Variants in MICALL1 observed in about 807,000 individuals in gnomAD.
MICALL1 encodes MICAL like 1.
Under a neutral mutation model 83.7 loss-of-function variants are expected in MICALL1, and 61 were observed. That is an observed-to-expected ratio of 0.73 (90% confidence interval 0.59 to 0.90). The LOEUF is 0.90. Ranked by LOEUF, MICALL1 falls within the 40% of genes least tolerant of loss-of-function variation. MICALL1 has a pLI of 0.00. For synonymous variants in MICALL1, 481 were observed against 473.6 expected, an observed-to-expected ratio of 1.02 and a Z score of -0.20; for missense variants, 1,066 against 1,152.0, an observed-to-expected ratio of 0.93 and a Z score of 1.08.
rs1320816485 is a variant in MICALL1, at chr22:37,930,762, C to T, written c.1882-1037C>T. Among the ~76,000 whole-genome samples the T allele has an allele frequency of 6.6e-6, 1 of 152,196 alleles. No homozygotes were observed. The highest frequency in any genetic ancestry group is 1.5e-5 in the Non-Finnish European group (1 of 68,032). ...AGCCTGGGCTCTGGGTGTGTGGGTA[C>T]TGGGCTGTGCAGCAGAGGATGAGAT... is the stretch of plus-strand genomic sequence containing the variant. On this transcript the variant is annotated intron_variant, in intron 9 of 15. Transcript: ENST00000215957. This position sits in a 1 kb window ranked among gnomAD's most constrained non-coding sequence, Gnocchi z 4.8.
chr22:37,918,868 T>A (rs966817486), intron 4 of MICALL1, among the ~76,000 whole-genome samples, 168 bp from the exon 5 acceptor site: 3 of 152,242 alleles, frequency 2.0e-5, no homozygotes, highest in Non-Finnish European at 4.4e-5. Context: ...AGTGGCAGCC[T>A]CCTGCCCTCT....
At position 37,937,730 on chromosome 22, in the gene MICALL1, C is replaced by T. The variant is rs1410726928; in HGVS notation, c.2424-16C>T. The T allele has an allele frequency of 6.2e-7, 1 of 1,612,646 alleles. No individual in the cohort carries two copies. The highest frequency in any genetic ancestry group is 1.1e-5 in the South Asian group (1 of 91,020). On this transcript the variant is annotated splice_polypyrimidine_tract_variant and intron_variant, in intron 14 of 15. Transcript: ENST00000215957. Reference sequence around the variant, plus strand: ...TGAGCCACCACGCCCAGCTTAACTGCTGCTGCTTATTTCAGGGAGGAAGAG... The same window carrying T: ...TGAGCCACCACGCCCAGCTTAACTGTTGCTGCTTATTTCAGGGAGGAAGAG...
At chr22:37,911,771 G>A (rs1477659140) in intron 1 of MICALL1, among the ~76,000 whole-genome samples, 181 bp from the exon 2 acceptor site, 3 of 152,070 alleles carry the variant, frequency 2.0e-5, no homozygotes, top group Admixed American at 6.6e-5. Context: ...CTCTAGCAGC[G>A]AATGTTTGCT....
rs113725737 is a variant in MICALL1, at chr22:37,916,659, C to T, written c.338-1048C>T. ...CACGCTCAGTGGGTGCCAGTGACCC[C>T]GGGCACAACAGACAGACCCCCACCC... On this transcript the variant is annotated intron_variant, in intron 3 of 15. Transcript: ENST00000215957. Among the ~76,000 whole-genome samples the T allele has an allele frequency of 5.5e-4, 84 of 152,288 alleles. 1 individual carries two copies. The highest frequency in any genetic ancestry group is 2.0e-3 in the African/African-American group (83 of 41,560).
chr22:37,935,354 G>A (rs1319118220), intron 13 of MICALL1, among the ~76,000 whole-genome samples: 1 of 149,982 alleles, frequency 6.7e-6, no homozygotes, highest in Non-Finnish European at 1.5e-5. Flanking sequence ...TCCGCCTCCT[G>A]GGTTTACGCC....
intron 8 of MICALL1, chr22:37,927,019 C>G (rs1361331549): frequency 1.2e-5 from 3 of 258,728 alleles, no homozygotes; most frequent in Non-Finnish European, 2.2e-5. Context: ...CCGGCAGTGC[C>G]TGTCCCAGAG....
At position 37,938,376 on chromosome 22, in the gene MICALL1, T is replaced by A. The variant is rs1340221345; in HGVS notation, c.2470+584T>A. ...GAGATCACGCCAGTGCACTCCAGCC[T>A]GGGTGACAGAGCGAGACTCAGTCTC... is the stretch of plus-strand genomic sequence containing the variant. On this transcript the variant is annotated intron_variant, in intron 15 of 15. Coordinates refer to ENST00000215957, the MANE Select transcript of MICALL1 (RefSeq NM_033386.4). Among the ~76,000 whole-genome samples the A allele has an allele frequency of 4.6e-5, 6 of 131,268 alleles. No individual in the cohort carries two copies. The East Asian group carries it at 1.4e-3, about 31-fold the overall frequency. 86.1% of individuals were successfully genotyped at this position (131,268 alleles called of 152,430 possible). A position where few individuals can be genotyped will look rare whatever the true frequency, so the allele number is the denominator to read the frequency against.
At chr22:37,914,540 TTA>T (rs537663997) in intron 3 of MICALL1, among the ~76,000 whole-genome samples, 19 of 150,600 alleles carry the variant, frequency 1.3e-4, no homozygotes, top group African/African-American at 4.4e-4. Context: ...TTTTCTTTCA[TTA>T]TATATATATA....
chr22:37,912,051 G>C (rs1426194447), intron 2 of MICALL1, 51 bp downstream of exon 2: 1 of 1,588,536 alleles, frequency 6.3e-7, no homozygotes, highest in African/African-American at 1.3e-5. Context: ...ATGTGTGTGT[G>C]TGTGTGTGTG....
chr22:37,923,105 A>G (rs1037985732), intron 6 of MICALL1, among the ~76,000 whole-genome samples: 6 of 139,730 alleles, frequency 4.3e-5, no homozygotes, highest in African/African-American at 1.6e-4. Flanking sequence ...TAATTTTTGT[A>G]TTTTTAGTAA....
Position 37,917,749 on chromosome 22 carries a change from C to A in MICALL1, c.380C>A (p.Pro127Gln). ...PPRKGLAPCS[P>Q]PSVAPTPVEP... Reference sequence around the variant, plus strand: ...AGAAAGGGCCTTGCACCCTGTTCCCCGCCGTCTGTAGCACCCACTCCAGTG... The same window carrying A: ...AGAAAGGGCCTTGCACCCTGTTCCCAGCCGTCTGTAGCACCCACTCCAGTG... The change falls in exon 4 of 16, where the codon CCG becomes CAG. Residue 127 changes from proline (P) to glutamine (Q), a missense_variant. Physicochemically the swap from Pro to Gln is moderately conservative, Grantham distance 76. Coordinates refer to ENST00000215957, the MANE Select transcript of MICALL1 (RefSeq NM_033386.4). 6.2e-7 allele frequency: 1 copy of A among 1,613,920 alleles called. No homozygotes were observed. Among genetic ancestry groups the A allele is most frequent in the Non-Finnish European group, 8.5e-7 (1 of 1,179,892 alleles).
chr22:37,917,877 T>C (rs1928778050), intron 4 of MICALL1, 82 bp downstream of exon 4: 1 of 1,240,666 alleles, frequency 8.1e-7, no homozygotes, highest in East Asian at 2.4e-5. Context: ...AGTGACTGGG[T>C]CATGTGAGGA....
In MICALL1 at chr22:37,909,985, G is replaced by A. The variant is rs935838562; in HGVS notation, c.147-1967G>A. On this transcript the variant is annotated intron_variant, in intron 1 of 15. Transcript: ENST00000215957. ...GCTCTGCTGGGACGAGGGTTGTGGGGGCTGGGCCATCCCTCCGCACCACCC... is the reference window on the plus strand; with the variant it reads ...GCTCTGCTGGGACGAGGGTTGTGGGAGCTGGGCCATCCCTCCGCACCACCC... Among the ~76,000 whole-genome samples, 37 of 152,324 alleles carry A rather than the reference G, an allele frequency of 2.4e-4. 1 individual carries two copies. The highest frequency in any genetic ancestry group is 8.7e-4 in the African/African-American group (36 of 41,574).
intron 5 of MICALL1, among the ~76,000 whole-genome samples, chr22:37,919,919 G>A (rs1161438056): frequency 6.6e-6 from 1 of 151,632 alleles, no homozygotes; most frequent in Non-Finnish European, 1.5e-5. Flanking sequence ...GCCAGGAGGT[G>A]GAGGTTGCAG....
intron 15 of MICALL1, among the ~76,000 whole-genome samples, chr22:37,938,296 G>A (rs1930245668): frequency 1.3e-5 from 2 of 151,752 alleles, no homozygotes; most frequent in Non-Finnish European, 2.9e-5. Flanking sequence ...CAGCTACTCG[G>A]GAGGCTGGGG....
At chr22:37,934,878 G>A (rs1417189403) in intron 13 of MICALL1, among the ~76,000 whole-genome samples, 1 of 150,558 alleles carries the variant, frequency 6.6e-6, no homozygotes, top group Non-Finnish European at 1.5e-5. Flanking sequence ...TTACAGGCAT[G>A]AGCCACTGCG....
At position 37,931,868 on chromosome 22, in the gene MICALL1, A is replaced by T; in HGVS notation, c.1951A>T (p.Thr651Ser). The change falls in exon 10 of 16, where the codon ACC (threonine) becomes TCC (serine). Residue 651 changes from threonine to serine, a missense_variant. Transcript: ENST00000215957. The part of the protein sequence containing the change: ...PAASPATKKA[T>S]KGSKPVRPPA... Reference sequence around the variant, plus strand: ...AGCGTCCCCAGCCACAAAGAAGGCCACCAAGGGATCCAAGCCAGTGAGGCC... The same window carrying T: ...AGCGTCCCCAGCCACAAAGAAGGCCTCCAAGGGATCCAAGCCAGTGAGGCC... 1 of 1,614,148 alleles carries T rather than the reference A, an allele frequency of 6.2e-7. No individual in the cohort carries two copies. Among genetic ancestry groups the T allele is most frequent in the Non-Finnish European group, 8.5e-7 (1 of 1,180,022 alleles).
At chr22:37,916,501 G>A (rs1166756042) in intron 3 of MICALL1, among the ~76,000 whole-genome samples, 1 of 152,202 alleles carries the variant, frequency 6.6e-6, no homozygotes, top group Non-Finnish European at 1.5e-5. Flanking sequence ...GTCCTGTACT[G>A]TACTTTCTGG....
chr22:37,911,034 C>T (rs528415523), intron 1 of MICALL1, among the ~76,000 whole-genome samples: 16 of 152,198 alleles, frequency 1.1e-4, no homozygotes, highest in African/African-American at 2.9e-4. Flanking sequence ...GGAGGCTGCC[C>T]GGCGGGAAGA....
Sources: allele counts gnomAD v4.1 joint callset (sites outside exome capture counted in the v4.1 genomes callset), GRCh38; gene constraint gnomAD v4.1.1; non-coding constraint Gnocchi (gnomAD v3.1); transcripts MANE v1.5; gene names NCBI Gene and HGNC (gene_info 2026-07-23, HGNC 2026-07-21).